FCAMR: variants seen among roughly 807,000 people sequenced by gnomAD.
FCAMR encodes high affinity immunoglobulin alpha and immunoglobulin mu Fc receptor.
Under a neutral mutation model 52.2 loss-of-function variants are expected in FCAMR, and 51 were observed. That is an observed-to-expected ratio of 0.98 (90% confidence interval 0.78 to 1.23). The LOEUF (loss-of-function observed/expected upper bound fraction) is 1.23. Among genes scored for constraint, FCAMR ranks in the 50% most tolerant of loss-of-function variants. The pLI, the probability that FCAMR is intolerant of heterozygous loss-of-function variation, is 0.00. For missense variants in FCAMR, 719 were observed against 712.6 expected, an observed-to-expected ratio of 1.01 and a Z score of -0.10; for synonymous variants, 282 against 262.0, an observed-to-expected ratio of 1.08 and a Z score of -0.74.
intron 3 of FCAMR, among the ~76,000 whole-genome samples, chr1:206,966,662 G>A (rs1307574579): frequency 6.6e-6 from 1 of 152,202 alleles, no homozygotes; most frequent in Non-Finnish European, 1.5e-5. Flanking sequence ...GGGAGTACAG[G>A]TGTGAGCCAT....
rs1410668196 is a variant in FCAMR at position 206,960,526 on chromosome 1, C to A, written c.1350G>T (p.Gly450=). The change falls in exon 6 of 8, where the codon GGG becomes GGT. Residue 450 remains glycine (G), a synonymous_variant. Coordinates refer to ENST00000324852, the MANE Select transcript of FCAMR (RefSeq NM_001170631.2). ...TGTCTCCAGTGGCAGCATCTAGGTC[C>A]CCTGCAGCGCTTCCTTCCCCAGATG... ...EAASGEGSAA[G]DLDAATGDRG... The A allele has an allele frequency of 1.3e-6, 2 of 1,551,688 alleles. No individual in the cohort carries two copies. Among genetic ancestry groups the A allele is most frequent in the Admixed American group, 3.9e-5 (2 of 51,004 alleles).
chr1:206,958,568 G>C lies in FCAMR; in HGVS notation c.1682C>G (p.Ser561Cys), dbSNP rs2102613733. 9 of 1,613,628 alleles carry C rather than the reference G, an allele frequency of 5.6e-6. No homozygotes were observed. The highest frequency in any genetic ancestry group is 7.6e-6 in the Non-Finnish European group (9 of 1,179,978). The stretch of plus-strand genomic sequence containing the variant: ...AGTCAGGCTGGCCCCAGCAGGAAGA[G>C]AGTCATCCTGGAGCATCTTTCTTTC... ...HVERKMLQDD[S>C]LPAGASLTAP... Residue 561 changes from serine to cysteine, a missense_variant, in exon 8 of 8, where the codon TCT becomes TGT. Ser to Cys is a moderately radical substitution (Grantham distance 112). Transcript: ENST00000324852.
intron 2 of FCAMR, 149 bp from the exon 3 acceptor site, chr1:206,967,261 TTCCC>T: frequency 1.3e-6 from 1 of 771,004 alleles, no homozygotes; most frequent in Non-Finnish European, 2.2e-6. Flanking sequence ...AGACAAGCAC[TTCCC>T]TCCCTGAGAA....
chr1:206,958,317 T>C lies in FCAMR; in HGVS notation c.*199A>G, dbSNP rs993885432. The stretch of plus-strand genomic sequence containing the variant: ...TTCTTGAAGTCTCCTTTGAGTCATC[T>C]TGTCACCTTTGGACGTGGATAATGC... On this transcript the variant is annotated 3_prime_UTR_variant, in exon 8 of 8. Transcript: ENST00000324852. 8.3e-5 allele frequency: 49 copies of C among 591,000 alleles called. No homozygotes were observed. In the African/African-American group the frequency reaches 8.9e-4, roughly 11 times the overall value. 36.6% of individuals were successfully genotyped at this position (591,000 alleles called of 1,614,324 possible).
At position 206,958,385 on chromosome 1, in the gene FCAMR, G is replaced by T; in HGVS notation, c.*131C>A. The T allele has an allele frequency of 1.9e-6, 2 of 1,048,846 alleles. No individual in the cohort carries two copies. The highest frequency in any genetic ancestry group is 2.7e-6 in the Non-Finnish European group (2 of 741,726). 65.0% of individuals were successfully genotyped at this position (1,048,846 alleles called of 1,614,324 possible). ...AAGGACAGCCAGCCTTTCTTCCATG[G>T]GTGGAGCACCGGCTGCATCAGCTTC... is the stretch of plus-strand genomic sequence containing the variant. On this transcript the variant is annotated 3_prime_UTR_variant, in exon 8 of 8. Transcript: ENST00000324852.
chr1:206,962,245 AG>A lies in FCAMR; in HGVS notation c.619del (p.Leu207CysfsTer3), dbSNP rs763406539. On this transcript the variant is annotated frameshift_variant, in exon 5 of 8. Coordinates refer to ENST00000324852, the MANE Select transcript of FCAMR (RefSeq NM_001170631.2). LOFTEE classifies it high-confidence loss of function. Reference sequence around the variant, plus strand: ...GATGGTCAGATTCATGCTTAAGAACAGCATGTTGTTTTCACTTCCAATGCCG... The same window carrying A: ...GATGGTCAGATTCATGCTTAAGAACACATGTTGTTTTCACTTCCAATGCCG... Reference protein sequence around the residue: ...LCGIGSENNMLFLSMNLTISA... With the variant: ...LCGIGSENNMXFLSMNLTISA... 1.2e-6 allele frequency: 2 copies of A among 1,614,222 alleles called. No homozygotes were observed. The highest frequency in any genetic ancestry group is 1.7e-6 in the Non-Finnish European group (2 of 1,180,042).
At chr1:206,960,145 G>A (rs559327235) in intron 6 of FCAMR, 449 of 503,272 alleles carry the variant, frequency 8.9e-4, no homozygotes, top group Non-Finnish European at 1.3e-3. Context: ...TCTCCGGAGC[G>A]CCTATTCTTT....
At position 206,962,370 on chromosome 1, in the gene FCAMR, G is replaced by T; in HGVS notation, c.495C>A (p.Arg165=). 6.2e-7 allele frequency: 1 copy of T among 1,614,240 alleles called. No individual in the cohort carries two copies. Among genetic ancestry groups the T allele is most frequent in the South Asian group, 1.1e-5 (1 of 91,090 alleles). ...CTGTGAGGGCCACACGGTCACGATA[G>T]CGATGGTGAGTATACTGGTTGGTGG... is the stretch of plus-strand genomic sequence containing the variant. ...IVSTNQYTHH[R]YRDRVALTDF... is the part of the protein sequence containing the mutation. Residue 165 remains arginine, a synonymous_variant, in exon 5 of 8, where the codon CGC becomes CGA. Coordinates refer to ENST00000324852, the MANE Select transcript of FCAMR (RefSeq NM_001170631.2).
chr1:206,959,015 G>C, intron 7 of FCAMR: 1 of 492,264 alleles, frequency 2.0e-6, no homozygotes. Flanking sequence ...GGGAAAATGC[G>C]AGGTTTGATC....
At chr1:206,963,044 A>T (rs1680572409) in intron 4 of FCAMR, among the ~76,000 whole-genome samples, 1 of 152,248 alleles carries the variant, frequency 6.6e-6, no homozygotes, top group Non-Finnish European at 1.5e-5. Flanking sequence ...GACAACAGTG[A>T]TGATTCCCTG....
chr1:206,965,480 G>A (rs991193700), intron 4 of FCAMR, among the ~76,000 whole-genome samples: 5 of 152,220 alleles, frequency 3.3e-5, no homozygotes, highest in Non-Finnish European at 7.3e-5. Flanking sequence ...GACCAGGCCA[G>A]CATTTTAGGG....
At chr1:206,967,162 G>T in intron 2 of FCAMR, 50 bp from the exon 3 acceptor site, 1 of 1,588,324 alleles carries the variant, frequency 6.3e-7, no homozygotes. Flanking sequence ...GCTGGGTGAG[G>T]GTGGTGGGAC....
intron 3 of FCAMR, 26 bp downstream of exon 3, chr1:206,967,026 G>A (rs1572667787): frequency 6.2e-7 from 1 of 1,613,198 alleles, no homozygotes; most frequent in East Asian, 2.2e-5. Flanking sequence ...TGTAAGCCCT[G>A]AACCTGGGCT....
chr1:206,960,495 G>A lies in FCAMR; in HGVS notation c.1381C>T (p.Pro461Ser). The A allele has an allele frequency of 6.5e-7, 1 of 1,550,324 alleles. No individual in the cohort carries two copies. The highest frequency in any genetic ancestry group is 1.2e-5 in the South Asian group (1 of 83,840). ...GGGGTCTGGCTCAGTGTTGCTTGGG[G>A]ACCTCTGTCTCCAGTGGCAGCATCT... ...DLDAATGDRG[P>S]QATLSQTPAV... The change falls in exon 6 of 8, where the codon CCC (proline) becomes TCC (serine). Residue 461 changes from proline (P) to serine (S), a missense_variant. By Grantham distance (74) the Pro-to-Ser change is moderately conservative. Coordinates refer to ENST00000324852, the MANE Select transcript of FCAMR (RefSeq NM_001170631.2).
rs1454866887 is a variant in FCAMR, at chr1:206,970,313, C to T, written c.-188G>A. The T allele has an allele frequency of 1.7e-6, 1 of 580,968 alleles. No individual in the cohort carries two copies. The highest frequency in any genetic ancestry group is 3.0e-6 in the Non-Finnish European group (1 of 328,272). 36.0% of individuals were successfully genotyped at this position (580,968 alleles called of 1,614,324 possible). Reference sequence around the variant, plus strand: ...TAGCTCTGCCACTCACCTCAAGTCACTTCTCTTTGGATTTTATTATTTATA... The same window carrying T: ...TAGCTCTGCCACTCACCTCAAGTCATTTCTCTTTGGATTTTATTATTTATA... On this transcript the variant is annotated 5_prime_UTR_variant, in exon 1 of 8. It adds an upstream start codon to the 5' untranslated region. Coordinates refer to ENST00000324852, the MANE Select transcript of FCAMR (RefSeq NM_001170631.2).
chr1:206,970,528 A>ACAAGT (rs1419951971), upstream of FCAMR: 1 of 156,788 alleles, frequency 6.4e-6, no homozygotes, highest in African/African-American at 2.4e-5. Context: ...CATCTCCCGG[A>ACAAGT]CAAGTGATGC....
chr1:206,968,868 C>G (rs1259546890), intron 1 of FCAMR, among the ~76,000 whole-genome samples: 1 of 152,222 alleles, frequency 6.6e-6, no homozygotes, highest in Non-Finnish European at 1.5e-5. Context: ...CAGCTTGGCT[C>G]TGCCCAGCCC....
chr1:206,970,250 C>T lies in FCAMR; in HGVS notation c.-125G>A. On this transcript the variant is annotated 5_prime_UTR_variant, in exon 1 of 8. Coordinates refer to ENST00000324852, the MANE Select transcript of FCAMR (RefSeq NM_001170631.2). ...GAAGTCAAGGTGGTATTTTGGAAAG[C>T]AGCTGGAGCTAGCAACGGAAGGTCG... 1 of 1,119,370 alleles carries T rather than the reference C, an allele frequency of 8.9e-7. No homozygotes were observed. Among genetic ancestry groups the T allele is most frequent in the Middle Eastern group, 2.0e-4 (1 of 4,938 alleles). 69.3% of individuals were successfully genotyped at this position (1,119,370 alleles called of 1,614,324 possible).
chr1:206,960,548 G>C lies in FCAMR; in HGVS notation c.1328C>G (p.Ser443Cys). 1 of 1,551,786 alleles carries C rather than the reference G, an allele frequency of 6.4e-7. No homozygotes were observed. Among genetic ancestry groups the C allele is most frequent in the South Asian group, 1.2e-5 (1 of 84,064 alleles). ...GTCCCCTGCAGCGCTTCCTTCCCCAGATGCTGCCTCCATGCTGGTCCACAC... is the reference window on the plus strand; with the variant it reads ...GTCCCCTGCAGCGCTTCCTTCCCCACATGCTGCCTCCATGCTGGTCCACAC... The part of the protein sequence containing the change: ...ADVWTSMEAA[S>C]GEGSAAGDLD... The change falls in exon 6 of 8, where the codon TCT (serine) becomes TGT (cysteine). Residue 443 changes from serine to cysteine, a missense_variant. Physicochemically the swap from Ser to Cys is moderately radical, Grantham distance 112. Coordinates refer to ENST00000324852, the MANE Select transcript of FCAMR (RefSeq NM_001170631.2).
Sources: gnomAD v4.1 joint callset for allele counts (sites outside exome capture counted in the v4.1 genomes callset) on GRCh38, gnomAD v4.1.1 for gene constraint, MANE v1.5 for transcripts, NCBI Gene and HGNC (gene_info 2026-07-23, HGNC 2026-07-21) for gene names.